The following SNAPC1 variants were observed in gnomAD, a reference collection of about 807,000 sequenced individuals.
SNAPC1 encodes the protein small nuclear RNA activating complex polypeptide 1.
SNAPC1 carries 42 observed loss-of-function variants against 50.1 expected under a neutral mutation model. The ratio of observed to expected loss-of-function variants is 0.84; its 90% CI spans 0.65 to 1.08. SNAPC1 has a LOEUF of 1.08. SNAPC1 is among the 50% of genes least tolerant of loss of function. The pLI is 0.00. For missense variants in SNAPC1, 477 were observed against 427.3 expected (o/e 1.12, Z -1.02); for synonymous variants, 164 against 144.2 (o/e 1.14, Z -0.98).
At position 61,778,857 on chromosome 14, in the gene SNAPC1, A is replaced by G; in HGVS notation, c.772A>G (p.Arg258Gly). The G allele has an allele frequency of 6.4e-7, 1 of 1,561,840 alleles. No individual in the cohort carries two copies. Among genetic ancestry groups the G allele is most frequent in the East Asian group, 2.4e-5 (1 of 42,048 alleles). ...GNSQETERCE[R>G]AESLAKIKSK... The stretch of plus-strand genomic sequence containing the variant: ...CTTATTTTACATCCAGAGATGTGAA[A>G]GGGCAGAATCATTAGCGAAAATAAA... The change falls in exon 7 of 10, where the codon AGG (arginine) becomes GGG (glycine). Residue 258 changes from arginine (R) to glycine (G), a missense_variant. Coordinates refer to ENST00000216294, the MANE Select transcript of SNAPC1 (RefSeq NM_003082.4).
intron 1 of SNAPC1, among the ~76,000 whole-genome samples, chr14:61,763,804 T>C (rs1320177187): frequency 6.6e-6 from 1 of 152,226 alleles, no homozygotes. Context: ...GGGTCCGCTA[T>C]GACTTGGGGC....
At chr14:61,762,623 G>C in intron 1 of SNAPC1, 35 bp downstream of exon 1, 1 of 1,611,338 alleles carries the variant, frequency 6.2e-7, no homozygotes. Context: ...GCCTCTCCCT[G>C]CCCGCAGGTG....
intron 9 of SNAPC1, among the ~76,000 whole-genome samples, chr14:61,794,189 C>T (rs570774094): frequency 6.6e-6 from 1 of 151,968 alleles, no homozygotes; most frequent in Non-Finnish European, 1.5e-5. Context: ...TCATTTTCTT[C>T]TTCTTAGTAC....
Position 61,768,653 on chromosome 14 carries a change from G to C in SNAPC1, c.447G>C (p.Lys149Asn), listed in dbSNP as rs2044966214. 6.2e-7 allele frequency: 1 copy of C among 1,601,746 alleles called. No individual in the cohort carries two copies. Among genetic ancestry groups the C allele is most frequent in the South Asian group, 1.1e-5 (1 of 90,718 alleles). ...TCACATAGCTGTCATATAGGATGAA[G>C]AAAAAAATTCACCGAGCTGAAGTTA... Reference protein sequence around the residue: ...AMPKLLSYRMKKKIHRAEVTE... With the variant: ...AMPKLLSYRMNKKIHRAEVTE... Residue 149 changes from lysine to asparagine, a missense_variant, in exon 4 of 10, where the codon AAG (lysine) becomes AAC (asparagine). Transcript: ENST00000216294.
intron 4 of SNAPC1, among the ~76,000 whole-genome samples, chr14:61,771,170 T>C (rs2044988099): frequency 6.6e-6 from 1 of 152,232 alleles, no homozygotes; most frequent in African/African-American, 2.4e-5. Context: ...TCTGAAGACA[T>C]AGTATAATGC....
intron 4 of SNAPC1, among the ~76,000 whole-genome samples, chr14:61,769,733 C>T (rs1451281351): frequency 6.6e-6 from 1 of 152,140 alleles, no homozygotes; most frequent in African/African-American, 2.4e-5. Context: ...TAAAACCTAC[C>T]ATTGAAAACA....
chr14:61,771,083 C>T (rs559681553), intron 4 of SNAPC1, among the ~76,000 whole-genome samples: 1 of 152,128 alleles, frequency 6.6e-6, no homozygotes, highest in Non-Finnish European at 1.5e-5. Flanking sequence ...TAATTATCCT[C>T]AGATTCTCAA....
intron 7 of SNAPC1, among the ~76,000 whole-genome samples, chr14:61,780,299 A>T (rs919575468): frequency 1.3e-5 from 2 of 152,048 alleles, no homozygotes; most frequent in African/African-American, 2.4e-5. Flanking sequence ...CTCCTTCCTC[A>T]CCTACACCAG....
chr14:61,773,107 A>G (rs1217916260), intron 4 of SNAPC1, among the ~76,000 whole-genome samples: 1 of 152,204 alleles, frequency 6.6e-6, no homozygotes, highest in African/African-American at 2.4e-5. Flanking sequence ...GAAGATCTGA[A>G]TTCTGGTCAT....
intron 1 of SNAPC1, 82 bp downstream of exon 1, chr14:61,762,670 T>C (rs1480758112): frequency 6.5e-7 from 1 of 1,528,398 alleles, no homozygotes; most frequent in Non-Finnish European, 9.0e-7. Flanking sequence ...GATATTGCAC[T>C]TGTGAAGGGC....
Position 61,776,196 on chromosome 14 carries a change from T to C in SNAPC1, c.636T>C (p.Phe212=). The change falls in exon 5 of 10, where the codon TTT becomes TTC. Residue 212 remains phenylalanine (F), a synonymous_variant. Coordinates refer to ENST00000216294, the MANE Select transcript of SNAPC1 (RefSeq NM_003082.4). ...CCCTCAGCTTGATAAAGGATGATTT[T>C]TTTGACAATATTAAGAACATAGTTT... ...DKALSLIKDD[F]FDNIKNIVLE... 6.2e-7 allele frequency: 1 copy of C among 1,613,014 alleles called. No homozygotes were observed. The highest frequency in any genetic ancestry group is 1.7e-5 in the Admixed American group (1 of 59,672).
At position 61,762,981 on chromosome 14, in the gene SNAPC1, CTTTTTTTTTTTTTT is replaced by C. The variant is rs145378546; in HGVS notation, c.128+407_128+420del. ...TTTTTCCTCCAACAACCAAAGTTGTCTTTTTTTTTTTTTTTTTTTTTTTTTTTGAGACGGAGTCT... is the reference window on the plus strand; with the variant it reads ...TTTTTCCTCCAACAACCAAAGTTGTCTTTTTTTTTTTTTGAGACGGAGTCT... On this transcript the variant is annotated intron_variant, in intron 1 of 9. Coordinates refer to ENST00000216294, the MANE Select transcript of SNAPC1 (RefSeq NM_003082.4). Among the ~76,000 whole-genome samples, 34 of 72,992 alleles carry C rather than the reference CTTTTTTTTTTTTTT, an allele frequency of 4.7e-4. 3 individuals carry two copies. The Admixed American group carries it at 8.2e-3, about 18-fold the overall frequency. 47.9% of individuals were successfully genotyped at this position (72,992 alleles called of 152,430 possible).
At chr14:61,769,339 G>C (rs2044971116) in intron 4 of SNAPC1, among the ~76,000 whole-genome samples, 1 of 149,720 alleles carries the variant, frequency 6.7e-6, no homozygotes, top group Non-Finnish European at 1.5e-5. Flanking sequence ...CTGGGCAACA[G>C]AGCAAGATTC....
intron 8 of SNAPC1, among the ~76,000 whole-genome samples, chr14:61,784,254 T>C (rs540767217): frequency 6.6e-6 from 1 of 152,324 alleles, no homozygotes; most frequent in South Asian, 2.1e-4. Context: ...CTAAACTCAC[T>C]TATGAGTATT....
rs142300043 is a variant in SNAPC1 at position 61,762,509 on chromosome 14, C to A, written c.49C>A (p.Arg17Ser). ...LQTDCEALLS[R>S]FQETDSVRFE... ...GACCGACTGCGAGGCGCTGCTCAGC[C>A]GCTTCCAGGAGACGGACAGTGTACG... is the stretch of plus-strand genomic sequence containing the variant. The change falls in exon 1 of 10, where the codon CGC (arginine) becomes AGC (serine). Residue 17 changes from arginine (R) to serine (S), a missense_variant. Arg to Ser is a moderately radical substitution (Grantham distance 110). Transcript: ENST00000216294. 2 of 1,479,416 alleles carry A rather than the reference C, an allele frequency of 1.4e-6. No individual in the cohort carries two copies. The highest frequency in any genetic ancestry group is 3.1e-5 in the African/African-American group (2 of 63,852). The allele number at this position is 1,479,416 out of a possible 1,614,324, so 91.6% of individuals were successfully genotyped here. A position where few individuals can be genotyped will look rare whatever the true frequency, so the allele number is the denominator to read the frequency against.
Position 61,780,044 on chromosome 14 carries a change from T to C in SNAPC1, c.825+1134T>C, listed in dbSNP as rs143562442. 2.4e-4 allele frequency among the ~76,000 whole-genome samples: 36 copies of C among 152,238 alleles called. 1 individual carries two copies. The East Asian group carries it at 7.0e-3, about 29-fold the overall frequency. ...GCTTTTTAAAAATGATTGAAGATCC[T>C]CAGATGTCTTTTCATATTTAAGGGT... On this transcript the variant is annotated intron_variant, in intron 7 of 9. Coordinates refer to ENST00000216294, the MANE Select transcript of SNAPC1 (RefSeq NM_003082.4).
intron 3 of SNAPC1, 63 bp downstream of exon 3, chr14:61,767,415 A>G (rs2044956359): frequency 1.4e-5 from 15 of 1,071,120 alleles, no homozygotes; most frequent in Non-Finnish European, 1.6e-5. Context: ...TGTCCATAAA[A>G]CCTCTCAATC....
chr14:61,772,986 A>G (rs895852898), intron 4 of SNAPC1, among the ~76,000 whole-genome samples: 1 of 152,156 alleles, frequency 6.6e-6, no homozygotes, highest in Admixed American at 6.5e-5. Context: ...TGCTGGCTCT[A>G]TATCTTTTGT....
rs1464251976 is a variant in SNAPC1 at position 61,767,029 on chromosome 14, A to G, written c.282A>G (p.Lys94=). Residue 94 remains lysine (K), a synonymous_variant, in exon 2 of 10, where the codon AAA becomes AAG. Coordinates refer to ENST00000216294, the MANE Select transcript of SNAPC1 (RefSeq NM_003082.4). ...ATAATACCCAACTGTGTCAACCAAA[A>G]CAAAAGGTAATACTTAGTGAGTTAT... The part of the protein sequence containing the change: ...GLYNTQLCQP[K]QKIRVALKDW... 2 of 1,562,252 alleles carry G rather than the reference A, an allele frequency of 1.3e-6. No individual in the cohort carries two copies. Among genetic ancestry groups the G allele is most frequent in the Non-Finnish European group, 1.7e-6 (2 of 1,151,378 alleles).
Sources: gnomAD v4.1 joint callset for allele counts (sites outside exome capture counted in the v4.1 genomes callset) on GRCh38, gnomAD v4.1.1 for gene constraint, MANE v1.5 for transcripts, NCBI Gene and HGNC (gene_info 2026-07-23, HGNC 2026-07-21) for gene names.